The following COPS3 variants were observed in gnomAD, a reference collection of about 807,000 sequenced individuals.
COPS3 encodes the protein COP9 signalosome complex subunit 3.
A neutral mutation model predicts 58.2 loss-of-function variants in COPS3; 10 were observed. The observed-to-expected ratio is 0.17, with a 90% CI of 0.11 to 0.29. The LOEUF (loss-of-function observed/expected upper bound fraction) is 0.29, where lower values mean the gene tolerates loss of function less well. Ranked by LOEUF, COPS3 falls within the 10% of genes least tolerant of loss-of-function variation. The probability of loss-of-function intolerance (pLI) is 1.00; values close to 1 mark genes in which losing one functional copy is unlikely to be tolerated. For synonymous variants in COPS3, 187 were observed against 181.7 expected, an observed-to-expected ratio of 1.03 and a Z score of -0.24; for missense variants, 333 against 510.1, an observed-to-expected ratio of 0.65 and a Z score of 3.34.
chr17:17,270,933 A>G lies in COPS3; in HGVS notation c.261T>C (p.Thr87=), dbSNP rs1394652066. Residue 87 remains threonine (T), a synonymous_variant, in exon 3 of 12, where the codon ACT becomes ACC. Transcript: ENST00000268717. Reference sequence around the variant, plus strand: ...CATATCGAATGTGCTCCCCATTACAAGTGCTGATGAAGAGCTGAACCTGTG... The same window carrying G: ...CATATCGAATGTGCTCCCCATTACAGGTGCTGATGAAGAGCTGAACCTGTG... ...LFSQVQLFIS[T]CNGEHIRYAT... 6.2e-7 allele frequency: 1 copy of G among 1,614,024 alleles called. No individual in the cohort carries two copies. Among genetic ancestry groups the G allele is most frequent in the African/African-American group, 1.3e-5 (1 of 75,000 alleles).
chr17:17,275,452 C>T (rs934962264), intron 2 of COPS3, among the ~76,000 whole-genome samples: 5 of 152,022 alleles, frequency 3.3e-5, no homozygotes, highest in South Asian at 2.1e-4. Context: ...TACAGTGGCG[C>T]GACCTTGGCT....
chr17:17,272,410 G>A (rs1049078443), intron 2 of COPS3, among the ~76,000 whole-genome samples: 1 of 151,676 alleles, frequency 6.6e-6, no homozygotes, highest in South Asian at 2.1e-4. Context: ...GTGACGGAGT[G>A]AGACTCGTCT....
At chr17:17,250,023 C>A (rs750758826) in intron 9 of COPS3, among the ~76,000 whole-genome samples, 14 of 152,164 alleles carry the variant, frequency 9.2e-5, no homozygotes, top group African/African-American at 3.1e-4. Context: ...TTTCGTCACC[C>A]CAGAAAGAGG....
In COPS3 at chr17:17,276,081, C is replaced by A; in HGVS notation, c.139G>T (p.Gly47Trp). 7.4e-6 allele frequency: 12 copies of A among 1,614,118 alleles called. No homozygotes were observed. Among genetic ancestry groups the A allele is most frequent in the Non-Finnish European group, 1.0e-5 (12 of 1,180,010 alleles). The change falls in exon 2 of 12, where the codon GGG (glycine) becomes TGG (tryptophan). Residue 47 changes from glycine to tryptophan, a missense_variant. Coordinates refer to ENST00000268717, the MANE Select transcript of COPS3 (RefSeq NM_003653.4). Reference protein sequence around the residue: ...KNLSHLDTVLGALDVQEHSLG... With the variant: ...KNLSHLDTVLWALDVQEHSLG... ...GAGTGTTCTTGTACATCCAGAGCCC[C>A]GAGCACAGTGTCCAGATGGGATAAG...
At chr17:17,250,113 G>T (rs554665003) in intron 9 of COPS3, among the ~76,000 whole-genome samples, 9 of 151,936 alleles carry the variant, frequency 5.9e-5, no homozygotes, top group Admixed American at 5.9e-4. Flanking sequence ...TTCTTGTCTC[G>T]TATGGATTTG....
At chr17:17,268,977 G>T (rs1043197623) in intron 4 of COPS3, among the ~76,000 whole-genome samples, 5 of 151,946 alleles carry the variant, frequency 3.3e-5, no homozygotes, top group Non-Finnish European at 7.4e-5. Context: ...ATAACAACTG[G>T]TTCTATTTTC....
At chr17:17,266,771 C>A (rs2048231714) in intron 5 of COPS3, among the ~76,000 whole-genome samples, 1 of 151,256 alleles carries the variant, frequency 6.6e-6, no homozygotes, top group South Asian at 2.1e-4. Flanking sequence ...TGCACTCCAG[C>A]CTGGGCAACA....
intron 1 of COPS3, among the ~76,000 whole-genome samples, chr17:17,280,408 A>G (rs2048550914): frequency 6.6e-6 from 1 of 151,266 alleles, no homozygotes. Flanking sequence ...CTCAAAAAAA[A>G]AAAAAGCCGT....
At chr17:17,259,189 T>C (rs913988205) in intron 8 of COPS3, among the ~76,000 whole-genome samples, 1 of 152,122 alleles carries the variant, frequency 6.6e-6, no homozygotes, top group African/African-American at 2.4e-5. Context: ...TCCCCAACCA[T>C]GCATCACCAT....
chr17:17,263,219 C>T (rs1295048043), intron 6 of COPS3, among the ~76,000 whole-genome samples: 4 of 147,478 alleles, frequency 2.7e-5, no homozygotes, highest in African/African-American at 5.0e-5. Context: ...ACCCGGGAGG[C>T]GGAGCTTGCG....
chr17:17,246,903 A>C lies in COPS3; in HGVS notation c.*195T>G, dbSNP rs1309318373. Reference sequence around the variant, plus strand: ...GATAAATAAATCCACGACAGACTTTAAAGTTTGCAAATCTGTTTCCTTTCT... The same window carrying C: ...GATAAATAAATCCACGACAGACTTTCAAGTTTGCAAATCTGTTTCCTTTCT... On this transcript the variant is annotated 3_prime_UTR_variant, in exon 12 of 12. Transcript: ENST00000268717. 2 of 591,002 alleles carry C rather than the reference A, an allele frequency of 3.4e-6. No individual in the cohort carries two copies. Among genetic ancestry groups the C allele is most frequent in the Non-Finnish European group, 6.1e-6 (2 of 328,030 alleles). The allele number at this position is 591,002 out of a possible 1,614,324, so 36.6% of individuals were successfully genotyped here.
At chr17:17,258,895 C>G (rs926977347) in intron 8 of COPS3, among the ~76,000 whole-genome samples, 1 of 152,136 alleles carries the variant, frequency 6.6e-6, no homozygotes, top group African/African-American at 2.4e-5. Context: ...TCCTTCTATT[C>G]TAGAAGCTAT....
chr17:17,256,381 T>C (rs2047976657), intron 8 of COPS3, among the ~76,000 whole-genome samples: 1 of 152,154 alleles, frequency 6.6e-6, no homozygotes, highest in Non-Finnish European at 1.5e-5. Context: ...CATTCATCAT[T>C]CAAAATTCAA....
intron 1 of COPS3, among the ~76,000 whole-genome samples, chr17:17,278,827 G>A (rs1195593449): frequency 1.3e-5 from 2 of 151,618 alleles, no homozygotes; most frequent in African/African-American, 4.8e-5. Flanking sequence ...GTCACAGAGT[G>A]CATTTGAAAT....
At chr17:17,253,650 G>A (rs1412359737) in intron 9 of COPS3, among the ~76,000 whole-genome samples, 1 of 152,162 alleles carries the variant, frequency 6.6e-6, no homozygotes, top group East Asian at 1.9e-4. Flanking sequence ...AGTCAATGAT[G>A]TCGCTAAGCA....
At chr17:17,272,045 G>A (rs1266327112) in intron 2 of COPS3, among the ~76,000 whole-genome samples, 1 of 151,712 alleles carries the variant, frequency 6.6e-6, no homozygotes, top group Non-Finnish European at 1.5e-5. Flanking sequence ...ACTACGGAAG[G>A]CCAAGGTGGG....
At chr17:17,280,547 AACAAAG>A (rs760638019) in intron 1 of COPS3, 27 of 1,046,172 alleles carry the variant, frequency 2.6e-5, no homozygotes, top group East Asian at 1.8e-4. Flanking sequence ...GCTAAAAAAA[AACAAAG>A]AAGAAGAAAT....
intron 8 of COPS3, among the ~76,000 whole-genome samples, chr17:17,255,924 C>T (rs899358458): frequency 1.3e-5 from 2 of 150,802 alleles, no homozygotes; most frequent in Non-Finnish European, 2.9e-5. Context: ...AATCTCAGCA[C>T]TTTGGGAGGC....
At chr17:17,262,144 A>T in intron 6 of COPS3, 38 bp from the exon 7 acceptor site, 1 of 1,572,078 alleles carries the variant, frequency 6.4e-7, no homozygotes, top group Non-Finnish European at 8.6e-7. Context: ...AAGAGAACAT[A>T]CCACAGTAGC....
Sources: allele counts gnomAD v4.1 joint callset (sites outside exome capture counted in the v4.1 genomes callset), GRCh38; gene constraint gnomAD v4.1.1; transcripts MANE v1.5; gene names NCBI Gene and HGNC (gene_info 2026-07-23, HGNC 2026-07-21).